The following SLC43A2 variants were observed in gnomAD, a reference collection of about 807,000 sequenced individuals.
SLC43A2 encodes solute carrier family 43 member 2, also known as large neutral amino acids transporter small subunit 4.
In SLC43A2, 38 loss-of-function variants were observed where a neutral mutation model predicts 63.2. The observed-to-expected ratio is 0.60, with a 90% CI of 0.46 to 0.79. The LOEUF is 0.79. Ranked by LOEUF, SLC43A2 falls within the 30% of genes least tolerant of loss-of-function variation. The pLI, the probability that SLC43A2 is intolerant of heterozygous loss-of-function variation, is 0.00. For missense variants in SLC43A2, 644 were observed against 756.2 expected, an observed-to-expected ratio of 0.85 and a Z score of 1.74; for synonymous variants, 322 against 331.0, an observed-to-expected ratio of 0.97 and a Z score of 0.30.
At chr17:1,597,077 ATGG>A (rs1212252517) in intron 5 of SLC43A2, among the ~76,000 whole-genome samples, 1 of 151,894 alleles carries the variant, frequency 6.6e-6, no homozygotes, top group East Asian at 1.9e-4. Context: ...TTAGCGAGGT[ATGG>A]TGGAACATGC....
intron 9 of SLC43A2, among the ~76,000 whole-genome samples, chr17:1,586,724 G>A (rs2076108090): frequency 6.6e-6 from 1 of 152,034 alleles, no homozygotes; most frequent in South Asian, 2.1e-4. Context: ...GAAAGGCACC[G>A]CTCACGGGGC....
intron 5 of SLC43A2, among the ~76,000 whole-genome samples, chr17:1,603,786 A>AAAAAAC (rs1906307700): frequency 6.7e-6 from 1 of 150,370 alleles, no homozygotes; most frequent in Admixed American, 6.7e-5. Flanking sequence ...ACTCTGCCTC[A>AAAAAAC]AAAAACAAAA....
chr17:1,579,802 ACTCGAGC>A lies in SLC43A2; in HGVS notation c.1351-1486_1351-1480del, dbSNP rs1011175151. Among the ~76,000 whole-genome samples, 5 of 152,118 alleles carry A rather than the reference ACTCGAGC, an allele frequency of 3.3e-5. No homozygotes were observed. The East Asian group carries it at 9.6e-4, about 29-fold the overall frequency. On this transcript the variant is annotated intron_variant, in intron 11 of 13. Coordinates refer to ENST00000301335, the MANE Select transcript of SLC43A2 (RefSeq NM_152346.3). The stretch of plus-strand genomic sequence containing the variant: ...CAGTGAGCCAAGATCCCACCACTGC[ACTCGAGC>A]CTGGCTGATGGGAGTGAGACCCTGT...
intron 5 of SLC43A2, among the ~76,000 whole-genome samples, chr17:1,599,078 G>A (rs1056195140): frequency 1.3e-5 from 2 of 152,204 alleles, no homozygotes; most frequent in Non-Finnish European, 2.9e-5. Context: ...GCTGGGCGCG[G>A]TGGCTCACGC....
chr17:1,585,915 G>C lies in SLC43A2; in HGVS notation c.1215C>G (p.Asn405Lys). ...GGGCACCGGCCCTGCCTACGCACTG[G>C]TTGGCGTCTTTCTCCTCGGGCTCCT... ...ASEEPEEKDA[N>K]QGEKKKKKRD... Residue 405 changes from asparagine to lysine, a missense_variant and splice_region_variant, in exon 10 of 14, where the codon AAC becomes AAG. Physicochemically the swap from Asn to Lys is moderately conservative, Grantham distance 94. Transcript: ENST00000301335. 1 of 1,613,754 alleles carries C rather than the reference G, an allele frequency of 6.2e-7. No individual in the cohort carries two copies. The highest frequency in any genetic ancestry group is 1.3e-5 in the African/African-American group (1 of 75,066).
intron 10 of SLC43A2, among the ~76,000 whole-genome samples, chr17:1,584,939 A>T (rs1289855161): frequency 2.0e-5 from 3 of 152,212 alleles, no homozygotes; most frequent in Non-Finnish European, 4.4e-5. Context: ...ATCATGAACA[A>T]CTCTATTAAC....
chr17:1,594,823 C>CAT (rs1905154981), intron 5 of SLC43A2, among the ~76,000 whole-genome samples: 2 of 151,476 alleles, frequency 1.3e-5, no homozygotes, highest in Admixed American at 1.3e-4. Context: ...CTCCTGACCT[C>CAT]GTGATCCGCC....
chr17:1,580,766 G>C (rs568175586), intron 11 of SLC43A2, among the ~76,000 whole-genome samples: 1 of 147,234 alleles, frequency 6.8e-6, no homozygotes, highest in East Asian at 2.0e-4. Flanking sequence ...GTCTCACTCC[G>C]GTTGCCCAGG....
chr17:1,629,395 C>T (rs1223920298), upstream of SLC43A2, among the ~76,000 whole-genome samples: 1 of 152,222 alleles, frequency 6.6e-6, no homozygotes, highest in Admixed American at 6.5e-5. Context: ...TCCCCCGCCC[C>T]GGTGGTTCCC....
At position 1,605,138 on chromosome 17, in the gene SLC43A2, C is replaced by T. The variant is rs1016062896; in HGVS notation, c.501+8057G>A. 6.8e-4 allele frequency: 868 copies of T among 1,278,968 alleles called. No individual in the cohort carries two copies. Among genetic ancestry groups the T allele is most frequent in the Non-Finnish European group, 8.0e-4 (800 of 1,004,382 alleles). 79.2% of individuals were successfully genotyped at this position (1,278,968 alleles called of 1,614,324 possible). A position where few individuals can be genotyped will look rare whatever the true frequency, so the allele number is the denominator to read the frequency against. On this transcript the variant is annotated intron_variant, in intron 5 of 13. Coordinates refer to ENST00000301335, the MANE Select transcript of SLC43A2 (RefSeq NM_152346.3). The surrounding 1 kb of genome is among the most constrained non-coding windows in gnomAD (Gnocchi z 4.9). ...CAGGTGCTTCCCACAGCCCCCTCGC[C>T]GCCTCTGCCTCCGTGCGGGTCAACC...
intron 2 of SLC43A2, 63 bp downstream of exon 2, chr17:1,627,652 A>AGC: frequency 4.4e-6 from 1 of 227,124 alleles, no homozygotes; most frequent in East Asian, 1.4e-4. Flanking sequence ...CTTCGCCCCC[A>AGC]TCCCGCCCCC....
chr17:1,582,086 GT>G (rs963799289), intron 11 of SLC43A2, among the ~76,000 whole-genome samples: 66 of 132,818 alleles, frequency 5.0e-4, no homozygotes, highest in African/African-American at 1.7e-3. Flanking sequence ...GTTTTTTTTG[GT>G]TTTTTTTTCT....
chr17:1,575,629 G>C lies in SLC43A2; in HGVS notation c.1685C>G (p.Ser562Trp), dbSNP rs141016080. ...DDKLFLKING[S>W]SNQEAFV The stretch of plus-strand genomic sequence containing the variant: ...CTACACGAAGGCCTCCTGGTTGGAC[G>C]AGCCGTTGATTTTGAGGAAGAGTTT... The change falls in exon 14 of 14, where the codon TCG becomes TGG. Residue 562 changes from serine to tryptophan, a missense_variant. By Grantham distance (177) the Ser-to-Trp change is radical. Coordinates refer to ENST00000301335, the MANE Select transcript of SLC43A2 (RefSeq NM_152346.3). 4 of 1,614,028 alleles carry C rather than the reference G, an allele frequency of 2.5e-6. No individual in the cohort carries two copies. In the African/African-American group the frequency reaches 5.3e-5, roughly 22 times the overall value.
intron 3 of SLC43A2, among the ~76,000 whole-genome samples, chr17:1,615,679 T>TAAAAAA (rs1429195266): frequency 2.0e-5 from 3 of 148,862 alleles, no homozygotes; most frequent in Non-Finnish European, 4.5e-5. Context: ...CCGTCTCTAC[T>TAAAAAA]AAAAATACAA....
intron 2 of SLC43A2, among the ~76,000 whole-genome samples, chr17:1,624,900 A>T (rs558633684): frequency 6.6e-5 from 10 of 151,712 alleles, no homozygotes; most frequent in South Asian, 4.2e-4. Flanking sequence ...TGTCTCAAAT[A>T]AAAAAAAACC....
chr17:1,604,438 C>G, intron 5 of SLC43A2: 2 of 428,348 alleles, frequency 4.7e-6, no homozygotes, highest in South Asian at 6.4e-5. Flanking sequence ...CATGATCCCT[C>G]TACTGATCAG....
upstream of SLC43A2, chr17:1,629,024 G>C (rs925348165): frequency 2.6e-5 from 4 of 152,012 alleles, no homozygotes; most frequent in Admixed American, 6.6e-5. Flanking sequence ...GACGGGAGGG[G>C]CCTGGGCGCT....
At chr17:1,579,495 T>C (rs901351491) in intron 11 of SLC43A2, among the ~76,000 whole-genome samples, 4 of 150,904 alleles carry the variant, frequency 2.7e-5, no homozygotes, top group Non-Finnish European at 5.9e-5. Flanking sequence ...TATGACTAAA[T>C]AAATAAATTA....
rs2076043734 is a variant in SLC43A2 at position 1,583,020 on chromosome 17, A to G, written c.1350+184T>C. ...CTTGAACCCAGGAGGCTGAGGTTGC[A>G]GTGAGCCGAGATCACACCACTGCAC... On this transcript the variant is annotated intron_variant, in intron 11 of 13. Transcript: ENST00000301335. The surrounding 1 kb of genome is among the most constrained non-coding windows in gnomAD (Gnocchi z 5.5). Among the ~76,000 whole-genome samples, 1 of 151,842 alleles carries G rather than the reference A, an allele frequency of 6.6e-6. No homozygotes were observed. Among genetic ancestry groups the G allele is most frequent in the Non-Finnish European group, 1.5e-5 (1 of 67,944 alleles).
Sources: allele counts gnomAD v4.1 joint callset (sites outside exome capture counted in the v4.1 genomes callset), GRCh38; gene constraint gnomAD v4.1.1; non-coding constraint Gnocchi (gnomAD v3.1); transcripts MANE v1.5; gene names NCBI Gene and HGNC (gene_info 2026-07-23, HGNC 2026-07-21).